COPRS: variants seen among roughly 807,000 people sequenced by gnomAD.
COPRS encodes cooperator of PRMT5.
A neutral mutation model predicts 19.9 loss-of-function variants in COPRS; 11 were observed. That is an observed-to-expected ratio of 0.55 (90% CI 0.35 to 0.92). The LOEUF (loss-of-function observed/expected upper bound fraction) is 0.92, where lower values mean the gene tolerates loss of function less well. Among genes scored for constraint, COPRS ranks in the 40% least tolerant of loss-of-function variants. The pLI is 0.01. For missense variants in COPRS, 225 were observed against 229.9 expected, an observed-to-expected ratio of 0.98 and a Z score of 0.14; for synonymous variants, 81 against 82.7, an observed-to-expected ratio of 0.98 and a Z score of 0.11.
rs552063874 is a variant in COPRS, at chr17:31,852,002, A to G, written c.*137T>C. 3.8e-5 allele frequency: 36 copies of G among 936,794 alleles called. No individual in the cohort carries two copies. In the African/African-American group the frequency reaches 5.1e-4, roughly 13 times the overall value. 58.0% of individuals were successfully genotyped at this position (936,794 alleles called of 1,614,324 possible). A position where few individuals can be genotyped will look rare whatever the true frequency, so the allele number is the denominator to read the frequency against. ...GACGGGGCCTTATTGAACACTGTCA[A>G]TAAGGAACACTGGTCTGTGTACCCC... On this transcript the variant is annotated 3_prime_UTR_variant, in exon 4 of 4. Coordinates refer to ENST00000302362, the MANE Select transcript of COPRS (RefSeq NM_018405.4).
chr17:31,852,757 T>C (rs1598084034), intron 3 of COPRS, 55 bp downstream of exon 3: 2 of 1,294,594 alleles, frequency 1.5e-6, no homozygotes, highest in Middle Eastern at 2.4e-4. Context: ...AGGGCTGGTC[T>C]GACAGGTGTG....
At chr17:31,854,974 T>C (rs1909288599) in intron 2 of COPRS, among the ~76,000 whole-genome samples, 1 of 152,202 alleles carries the variant, frequency 6.6e-6, no homozygotes, top group Non-Finnish European at 1.5e-5. Context: ...ACATGGTAAA[T>C]TTAGGTTATG....
At chr17:31,855,525 T>G (rs1457782019) in intron 2 of COPRS, among the ~76,000 whole-genome samples, 3 of 148,480 alleles carry the variant, frequency 2.0e-5, no homozygotes, top group Non-Finnish European at 4.5e-5. Flanking sequence ...AATAAATAAA[T>G]AAATACAAAA....
At chr17:31,856,739 G>T in intron 2 of COPRS, 60 bp downstream of exon 2, 1 of 1,007,994 alleles carries the variant, frequency 9.9e-7, no homozygotes, top group Non-Finnish European at 1.6e-6. Flanking sequence ...TGAGACAGAG[G>T]GACTATTCCT....
chr17:31,858,338 CT>C, intron 1 of COPRS: 1 of 984,334 alleles, frequency 1.0e-6, no homozygotes, highest in Non-Finnish European at 1.2e-6. Context: ...AAGTAATTTT[CT>C]TTGTAAGTGT....
At chr17:31,854,346 C>A (rs1343110031) in intron 2 of COPRS, among the ~76,000 whole-genome samples, 2 of 112,574 alleles carry the variant, frequency 1.8e-5, no homozygotes, top group Non-Finnish European at 1.7e-5. Flanking sequence ...CAGAGTGAGA[C>A]CCTGTCTCCA....
chr17:31,856,182 A>G (rs551599415), intron 2 of COPRS, among the ~76,000 whole-genome samples: 2 of 151,932 alleles, frequency 1.3e-5, no homozygotes, highest in East Asian at 1.9e-4. Flanking sequence ...TAAAAATACA[A>G]AAGTTAGCTG....
At chr17:31,852,710 A>C in intron 3 of COPRS, 102 bp downstream of exon 3, 1 of 838,436 alleles carries the variant, frequency 1.2e-6, no homozygotes, top group Non-Finnish European at 2.1e-6. Flanking sequence ...TACCAGCCTA[A>C]GCTCATAGAT....
rs185358011 is a variant in COPRS, at chr17:31,853,157, G to A, written c.167-127C>T. On this transcript the variant is annotated intron_variant, in intron 2 of 3. Transcript: ENST00000302362. ...GTGCACAGAGTCTTCTTTAGCCACC[G>A]AGCACTTTTTTAAAAATGCACTTCT... is the stretch of plus-strand genomic sequence containing the variant. 2.7e-5 allele frequency: 19 copies of A among 712,536 alleles called. No homozygotes were observed. In the East Asian group the frequency reaches 3.0e-4, roughly 11 times the overall value. The allele number at this position is 712,536 out of a possible 1,614,324, so 44.1% of individuals were successfully genotyped here.
rs1269157078 is a variant in COPRS at position 31,852,842 on chromosome 17, C to T, written c.355G>A (p.Glu119Lys). 2 of 1,614,004 alleles carry T rather than the reference C, an allele frequency of 1.2e-6. No homozygotes were observed. Among genetic ancestry groups the T allele is most frequent in the African/African-American group, 1.3e-5 (1 of 74,932 alleles). Residue 119 changes from glutamate to lysine, a missense_variant, in exon 3 of 4, where the codon GAG becomes AAG. This residue lies in a region of COPRS where 170 missense variants were observed against 171.4 expected (regional missense o/e 0.99). Coordinates refer to ENST00000302362, the MANE Select transcript of COPRS (RefSeq NM_018405.4). ...GGATTCCCTTGATCTGCTTTCAACT[C>T]CGAGTCCCAGTCCTCATTAAAAAGA... ...GDLFNEDWDS[E>K]LKADQGNPYD...
intron 1 of COPRS, among the ~76,000 whole-genome samples, chr17:31,858,214 C>A (rs558567433): frequency 6.6e-6 from 1 of 152,318 alleles, no homozygotes; most frequent in South Asian, 2.1e-4. Context: ...CAACTCCAGG[C>A]CATGTGCCCT....
At chr17:31,856,276 G>A (rs914766584) in intron 2 of COPRS, among the ~76,000 whole-genome samples, 56 of 152,054 alleles carry the variant, frequency 3.7e-4, no homozygotes, top group Admixed American at 2.9e-3. Flanking sequence ...CGGAGGTTGC[G>A]GTGAGCTGAC....
chr17:31,858,644 G>C (rs1002277395), intron 1 of COPRS: 35 of 1,088,826 alleles, frequency 3.2e-5, no homozygotes, highest in Non-Finnish European at 4.2e-5. Context: ...GTTTCAGTAA[G>C]GAGAAGGGGG....
In COPRS at chr17:31,852,979, G is replaced by A. The variant is rs146607194; in HGVS notation, c.218C>T (p.Thr73Ile). The A allele has an allele frequency of 6.2e-7, 1 of 1,614,014 alleles. No individual in the cohort carries two copies. Among genetic ancestry groups the A allele is most frequent in the African/African-American group, 1.3e-5 (1 of 74,910 alleles). ...GGCAAAGCCTTCCTCTTCAGAATGGGTGCCCTCACCCCGGGCAGGACTGTC... is the reference window on the plus strand; with the variant it reads ...GGCAAAGCCTTCCTCTTCAGAATGGATGCCCTCACCCCGGGCAGGACTGTC... Reference protein sequence around the residue: ...PNDSPARGEGTHSEEEGFAMD... With the variant: ...PNDSPARGEGIHSEEEGFAMD... The change falls in exon 3 of 4, where the codon ACC becomes ATC. Residue 73 changes from threonine (T) to isoleucine (I), a missense_variant. Around this residue, in one of 3 missense-constraint regions of COPRS, gnomAD observed 170 missense variants for 171.4 expected, o/e 0.99. Coordinates refer to ENST00000302362, the MANE Select transcript of COPRS (RefSeq NM_018405.4).
intron 1 of COPRS, chr17:31,858,614 C>A: frequency 9.8e-7 from 1 of 1,022,424 alleles, no homozygotes; most frequent in Non-Finnish European, 1.5e-6. Flanking sequence ...GGAAACCCTG[C>A]GTCAAACAGG....
intron 2 of COPRS, among the ~76,000 whole-genome samples, chr17:31,853,625 C>A (rs886787439): frequency 6.6e-6 from 1 of 152,162 alleles, no homozygotes; most frequent in African/African-American, 2.4e-5. Flanking sequence ...TGTGATCCAC[C>A]CGCCTCGGCC....
intron 3 of COPRS, 64 bp from the exon 4 acceptor site, chr17:31,852,372 G>A: frequency 7.4e-7 from 1 of 1,358,786 alleles, no homozygotes; most frequent in Non-Finnish European, 1.0e-6. Flanking sequence ...GGTAAAAACG[G>A]ACAGCCAAAA....
Position 31,852,056 on chromosome 17 carries a change from C to T in COPRS, c.*83G>A. The T allele has an allele frequency of 1.3e-6, 2 of 1,543,918 alleles. No individual in the cohort carries two copies. Among genetic ancestry groups the T allele is most frequent in the Non-Finnish European group, 1.8e-6 (2 of 1,123,774 alleles). On this transcript the variant is annotated 3_prime_UTR_variant, in exon 4 of 4. Coordinates refer to ENST00000302362, the MANE Select transcript of COPRS (RefSeq NM_018405.4). ...CTAGGGGTCACTGCAAACATTTTCTCAGATATGACTTTTCACCTCCAAGAC... is the reference window on the plus strand; with the variant it reads ...CTAGGGGTCACTGCAAACATTTTCTTAGATATGACTTTTCACCTCCAAGAC...
At chr17:31,858,785 G>T (rs1483424281) in intron 1 of COPRS, 3 of 1,550,506 alleles carry the variant, frequency 1.9e-6, no homozygotes, top group Middle Eastern at 1.7e-4. Context: ...TCCTGGCAGC[G>T]GGCCCCGGCT....
Sources: allele counts gnomAD v4.1 joint callset (sites outside exome capture counted in the v4.1 genomes callset), GRCh38; gene constraint gnomAD v4.1.1; regional missense constraint gnomAD v4.1.1; transcripts MANE v1.5; gene names NCBI Gene and HGNC (gene_info 2026-07-23, HGNC 2026-07-21).